Variants in MAGI2 observed in about 807,000 individuals in gnomAD.
MAGI2 encodes the protein membrane associated guanylate kinase, WW and PDZ domain containing 2.
Under a neutral mutation model 133.3 loss-of-function variants are expected in MAGI2, and 35 were observed. The observed-to-expected ratio is 0.26, with a 90% CI of 0.20 to 0.35. The LOEUF (loss-of-function observed/expected upper bound fraction) is 0.35, where lower values mean the gene tolerates loss of function less well. Among genes scored for constraint, MAGI2 ranks in the 10% least tolerant of loss-of-function variants. MAGI2 has a pLI of 1.00. For missense variants in MAGI2, 1,636 were observed against 1,863.4 expected (o/e 0.88, Z 2.25); for synonymous variants, 729 against 710.6 (o/e 1.03, Z -0.41).
intron 6 of MAGI2, among the ~76,000 whole-genome samples, chr7:78,473,332 A>AT (rs996794832): frequency 9.2e-5 from 14 of 152,046 alleles, no homozygotes; most frequent in Non-Finnish European, 1.9e-4. Flanking sequence ...GAATCTACAG[A>AT]TTTTTTTGAT....
chr7:78,503,566 C>CCCT (rs1554444881), intron 4 of MAGI2, among the ~76,000 whole-genome samples: 1 of 67,368 alleles, frequency 1.5e-5, no homozygotes, highest in Non-Finnish European at 2.5e-5. Context: ...CTCCCCCTCC[C>CCCT]CCTCCTCCTC....
At chr7:79,224,813 T>C (rs369653102) in intron 1 of MAGI2, among the ~76,000 whole-genome samples, 2 of 152,042 alleles carry the variant, frequency 1.3e-5, no homozygotes, top group Non-Finnish European at 1.5e-5. Context: ...GGAACTGAGG[T>C]AGGGGTAGGG....
At position 79,251,597 on chromosome 7, in the gene MAGI2, A is replaced by C. The variant is rs140340672; in HGVS notation, c.301+201423T>G. Among the ~76,000 whole-genome samples, 64 of 152,308 alleles carry C rather than the reference A, an allele frequency of 4.2e-4. 1 individual carries two copies. Among genetic ancestry groups the C allele is most frequent in the African/African-American group, 1.4e-3 (59 of 41,586 alleles). On this transcript the variant is annotated intron_variant, in intron 1 of 21. Coordinates refer to ENST00000354212, the MANE Select transcript of MAGI2 (RefSeq NM_012301.4). The stretch of plus-strand genomic sequence containing the variant: ...AGACAGACAATAACAAATGCTGGTG[A>C]GGATGTGAAGAAAAGGGAATCTTTG...
intron 6 of MAGI2, among the ~76,000 whole-genome samples, chr7:78,390,643 G>T (rs917800740): frequency 6.6e-6 from 1 of 151,712 alleles, no homozygotes; most frequent in African/African-American, 2.4e-5. Context: ...TGGTGGGGGT[G>T]GGGGGTGGAG....
intron 20 of MAGI2, among the ~76,000 whole-genome samples, chr7:78,116,473 G>A (rs1429833781): frequency 1.3e-5 from 2 of 151,974 alleles, no homozygotes; most frequent in Non-Finnish European, 2.9e-5. Context: ...CTGACTCTCT[G>A]AAAAGAATAA....
chr7:78,019,205 G>A lies in MAGI2; in HGVS notation c.*110C>T. 2 of 1,283,172 alleles carry A rather than the reference G, an allele frequency of 1.6e-6. No homozygotes were observed. Among genetic ancestry groups the A allele is most frequent in the Non-Finnish European group, 2.1e-6 (2 of 937,836 alleles). The allele number at this position is 1,283,172 out of a possible 1,614,324, so 79.5% of individuals were successfully genotyped here. ...CACGTCGATGCTCCCAGGCCTTGGT[G>A]CCTCGTGGATCTATGCGTGTGACAG... On this transcript the variant is annotated 3_prime_UTR_variant, in exon 22 of 22. Transcript: ENST00000354212.
rs565235904 is a variant in MAGI2, at chr7:79,437,772, A to T, written c.301+15248T>A. 4.6e-5 allele frequency among the ~76,000 whole-genome samples: 7 copies of T among 152,276 alleles called. No individual in the cohort carries two copies. The East Asian group carries it at 1.3e-3, about 29-fold the overall frequency. ...TAGCTGATAAAAGCAGCATTGTCAA[A>T]GATGGAATTTTTACTATTATTGTTT... On this transcript the variant is annotated intron_variant, in intron 1 of 21. Transcript: ENST00000354212.
chr7:78,906,601 A>G (rs1798008768), intron 2 of MAGI2, among the ~76,000 whole-genome samples: 1 of 152,148 alleles, frequency 6.6e-6, no homozygotes, highest in Admixed American at 6.5e-5. Context: ...TTTTCCTTAT[A>G]ATGTTCCTAG....
intron 21 of MAGI2, chr7:78,073,011 C>T (rs947352911): frequency 2.5e-6 from 1 of 398,542 alleles, no homozygotes. Context: ...TTATTGCTAT[C>T]TACATAGAGG....
intron 6 of MAGI2, among the ~76,000 whole-genome samples, chr7:78,374,069 C>T (rs891558623): frequency 5.3e-5 from 8 of 152,074 alleles, no homozygotes; most frequent in East Asian, 1.9e-4. Context: ...TATGTGAGTG[C>T]GTGTGTCTTT....
intron 2 of MAGI2, among the ~76,000 whole-genome samples, chr7:78,654,750 G>T (rs199514845): frequency 0.016 from 1,365 of 83,948 alleles, 26 homozygotes; most frequent in East Asian, 0.08. Flanking sequence ...TATATATATA[G>T]CATATATTTT....
At chr7:78,810,570 GT>G (rs1788961906) in intron 2 of MAGI2, among the ~76,000 whole-genome samples, 1 of 151,874 alleles carries the variant, frequency 6.6e-6, no homozygotes, top group Non-Finnish European at 1.5e-5. Flanking sequence ...ACTCTTTTTT[GT>G]TTTCCCAAGA....
At chr7:78,297,294 A>T (rs1797353398) in intron 9 of MAGI2, among the ~76,000 whole-genome samples, 1 of 151,764 alleles carries the variant, frequency 6.6e-6, no homozygotes, top group Admixed American at 6.6e-5. Context: ...ATCTCACACC[A>T]GTTAGAATGG....
chr7:78,456,489 T>C (rs1024252165), intron 6 of MAGI2, among the ~76,000 whole-genome samples: 7 of 152,196 alleles, frequency 4.6e-5, no homozygotes, highest in African/African-American at 1.4e-4. Flanking sequence ...AGGCTAAGCA[T>C]TGTGCCAGGC....
intron 1 of MAGI2, among the ~76,000 whole-genome samples, chr7:79,392,202 G>A (rs374360891): frequency 2.6e-5 from 4 of 151,966 alleles, no homozygotes; most frequent in African/African-American, 7.3e-5. Flanking sequence ...TCTTTTTTAT[G>A]GCTGCATAGT....
intron 1 of MAGI2, among the ~76,000 whole-genome samples, chr7:79,019,279 G>T (rs1427252450): frequency 1.3e-5 from 2 of 152,120 alleles, no homozygotes; most frequent in Admixed American, 1.3e-4. Flanking sequence ...GGGCAGGACT[G>T]GGTGGAGATA....
chr7:79,017,036 C>A (rs1726585368), intron 1 of MAGI2, among the ~76,000 whole-genome samples: 1 of 152,252 alleles, frequency 6.6e-6, no homozygotes. Context: ...AGTGCCCCAA[C>A]AAAGGCCAGC....
At chr7:78,969,129 T>C (rs991441532) in intron 2 of MAGI2, among the ~76,000 whole-genome samples, 3 of 152,008 alleles carry the variant, frequency 2.0e-5, no homozygotes, top group Non-Finnish European at 2.9e-5. Flanking sequence ...GTCGGGGTCA[T>C]GGCGCAGGAC....
intron 2 of MAGI2, among the ~76,000 whole-genome samples, chr7:78,647,146 T>C (rs1219916970): frequency 1.3e-5 from 2 of 151,994 alleles, no homozygotes; most frequent in Non-Finnish European, 2.9e-5. Flanking sequence ...AATAGACAAA[T>C]GGTGTCTAAT....
Sources: gnomAD v4.1 joint callset for allele counts (sites outside exome capture counted in the v4.1 genomes callset) on GRCh38, gnomAD v4.1.1 for gene constraint, MANE v1.5 for transcripts, NCBI Gene and HGNC (gene_info 2026-07-23, HGNC 2026-07-21) for gene names.